Variants in EYA1 observed in about 807,000 individuals in gnomAD.
EYA1 encodes EYA transcriptional coactivator and phosphatase 1.
Under a neutral mutation model 82.0 loss-of-function variants are expected in EYA1, and 16 were observed. That is an observed-to-expected ratio of 0.20 (90% CI 0.13 to 0.30). The LOEUF (loss-of-function observed/expected upper bound fraction) is 0.30, where lower values mean the gene tolerates loss of function less well. EYA1 is among the 10% of genes least tolerant of loss of function. The pLI, the probability that EYA1 is intolerant of heterozygous loss-of-function variation, is 1.00. For synonymous variants in EYA1, 261 were observed against 264.4 expected, an observed-to-expected ratio of 0.99 and a Z score of 0.12; for missense variants, 633 against 730.7, an observed-to-expected ratio of 0.87 and a Z score of 1.54.
intron 2 of EYA1, among the ~76,000 whole-genome samples, chr8:71,438,553 C>T (rs1046094937): frequency 6.6e-6 from 1 of 152,116 alleles, no homozygotes; most frequent in Non-Finnish European, 1.5e-5. Context: ...CTGAGTGGCA[C>T]AGGCAGAAAC....
intron 13 of EYA1, 22 bp downstream of exon 13, chr8:71,216,943 C>G: frequency 6.2e-7 from 1 of 1,612,440 alleles, no homozygotes; most frequent in Non-Finnish European, 8.5e-7. Context: ...GAGATGGTCA[C>G]TTCACATTCA....
chr8:71,245,377 C>T (rs752017166), intron 11 of EYA1, among the ~76,000 whole-genome samples: 20 of 152,002 alleles, frequency 1.3e-4, no homozygotes, highest in Non-Finnish European at 2.6e-4. Flanking sequence ...CAGGCGCGCA[C>T]CAACACGACC....
intron 7 of EYA1, among the ~76,000 whole-genome samples, chr8:71,310,291 G>A (rs1188249635): frequency 6.6e-6 from 1 of 152,146 alleles, no homozygotes; most frequent in African/African-American, 2.4e-5. Flanking sequence ...TAAGTTCAGA[G>A]GTACATGTGC....
chr8:71,339,789 T>C (rs1824916629), intron 3 of EYA1, among the ~76,000 whole-genome samples: 1 of 152,220 alleles, frequency 6.6e-6, no homozygotes, highest in South Asian at 2.1e-4. Context: ...AGAATGAGCC[T>C]CATTCCTTGA....
chr8:71,269,896 G>T (rs995313832), intron 10 of EYA1, 73 bp from the exon 11 acceptor site: 1 of 1,104,934 alleles, frequency 9.1e-7, no homozygotes, highest in Non-Finnish European at 1.4e-6. Flanking sequence ...ACTTCAACAC[G>T]AAAAAGTCAT....
At chr8:71,226,149 T>G (rs1172627246) in intron 12 of EYA1, among the ~76,000 whole-genome samples, 2 of 152,164 alleles carry the variant, frequency 1.3e-5, no homozygotes, top group African/African-American at 4.8e-5. Flanking sequence ...GATCACTAAG[T>G]AAAGGCTTCC....
intron 2 of EYA1, among the ~76,000 whole-genome samples, chr8:71,463,637 C>T (rs1387646736): frequency 7.9e-6 from 1 of 126,168 alleles, no homozygotes; most frequent in Non-Finnish European, 1.7e-5. Flanking sequence ...CTCTCTCCCT[C>T]CCTCCCCCCT....
chr8:71,226,866 C>T (rs547644108), intron 12 of EYA1, among the ~76,000 whole-genome samples: 25 of 151,606 alleles, frequency 1.6e-4, no homozygotes, highest in Non-Finnish European at 2.9e-4. Flanking sequence ...ATGTCCCTAC[C>T]GCTGACATTG....
intron 17 of EYA1, among the ~76,000 whole-genome samples, chr8:71,210,947 C>G (rs1808429866): frequency 6.6e-6 from 1 of 152,240 alleles, no homozygotes; most frequent in South Asian, 2.1e-4. Flanking sequence ...TCTATGAACA[C>G]CACTTGTGGC....
chr8:71,210,313 G>A (rs760829291), intron 17 of EYA1, among the ~76,000 whole-genome samples: 5 of 152,144 alleles, frequency 3.3e-5, no homozygotes, highest in Non-Finnish European at 5.9e-5. Context: ...AGACAATGAC[G>A]GAATGGTATT....
At chr8:71,316,169 A>G (rs1422722949) in intron 7 of EYA1, among the ~76,000 whole-genome samples, 1 of 152,126 alleles carries the variant, frequency 6.6e-6, no homozygotes, top group Non-Finnish European at 1.5e-5. Flanking sequence ...ACTTTTTTCA[A>G]AGAAAGGTAT....
intron 6 of EYA1, among the ~76,000 whole-genome samples, chr8:71,320,777 A>G (rs1586348612): frequency 6.6e-6 from 1 of 152,254 alleles, no homozygotes; most frequent in South Asian, 2.1e-4. Flanking sequence ...AAATACTTAA[A>G]GAAGAGCATT....
At chr8:71,268,896 C>A (rs965805038) in intron 11 of EYA1, among the ~76,000 whole-genome samples, 4 of 152,104 alleles carry the variant, frequency 2.6e-5, no homozygotes, top group African/African-American at 9.7e-5. Context: ...TGATAAACTG[C>A]TGAAGTCACT....
At chr8:71,280,418 G>A (rs1817683803) in intron 9 of EYA1, among the ~76,000 whole-genome samples, 1 of 152,172 alleles carries the variant, frequency 6.6e-6, no homozygotes, top group South Asian at 2.1e-4. Flanking sequence ...AGCTGAATAT[G>A]ACAGATATTT....
chr8:71,433,266 G>T (rs1201626503), intron 2 of EYA1, among the ~76,000 whole-genome samples: 2 of 152,144 alleles, frequency 1.3e-5, no homozygotes, highest in African/African-American at 4.8e-5. Flanking sequence ...AAGGTAAGGA[G>T]AAAGATTTGA....
Position 71,250,037 on chromosome 8 carries a change from G to GT in EYA1, c.1051-5346dup, listed in dbSNP as rs113001711. 4.1e-3 allele frequency among the ~76,000 whole-genome samples: 588 copies of GT among 141,878 alleles called. 3 individuals carry two copies. The highest frequency in any genetic ancestry group is 0.012 in the African/African-American group (468 of 38,940). The allele number at this position is 141,878 out of a possible 152,430, so 93.1% of individuals were successfully genotyped here. A position where few individuals can be genotyped will look rare whatever the true frequency, so the allele number is the denominator to read the frequency against. ...CATTGCCATTGTTCTTTGCTTTCTTGTTTTTTTTTTTTCCCCTTAGCCTTG... is the reference window on the plus strand; with the variant it reads ...CATTGCCATTGTTCTTTGCTTTCTTGTTTTTTTTTTTTTCCCCTTAGCCTTG... On this transcript the variant is annotated intron_variant, in intron 11 of 17. Coordinates refer to ENST00000340726, the MANE Select transcript of EYA1 (RefSeq NM_000503.6).
chr8:71,285,561 G>T (rs1264326397), intron 9 of EYA1, among the ~76,000 whole-genome samples: 3 of 152,180 alleles, frequency 2.0e-5, no homozygotes, highest in Admixed American at 6.5e-5. Flanking sequence ...TAACAGGCCT[G>T]CCTATTCATT....
In EYA1 at chr8:71,301,472, A is replaced by C. The variant is rs143715588; in HGVS notation, c.557-1752T>G. Reference sequence around the variant, plus strand: ...ATCTTTTCCCTCTTTTACTTTCCCGAATTAGATAAATATGACTTAATCTCT... The same window carrying C: ...ATCTTTTCCCTCTTTTACTTTCCCGCATTAGATAAATATGACTTAATCTCT... On this transcript the variant is annotated intron_variant, in intron 7 of 17. Transcript: ENST00000340726. Among the ~76,000 whole-genome samples, 21 of 152,286 alleles carry C rather than the reference A, an allele frequency of 1.4e-4. No homozygotes were observed. The East Asian group carries it at 3.5e-3, about 25-fold the overall frequency.
intron 2 of EYA1, among the ~76,000 whole-genome samples, chr8:71,479,031 T>C (rs1809895576): frequency 6.6e-6 from 1 of 152,162 alleles, no homozygotes; most frequent in Non-Finnish European, 1.5e-5. Flanking sequence ...GCACCACTTT[T>C]CTGCAAACAA....
Sources: gnomAD v4.1 joint callset for allele counts (sites outside exome capture counted in the v4.1 genomes callset) on GRCh38, gnomAD v4.1.1 for gene constraint, MANE v1.5 for transcripts, NCBI Gene and HGNC (gene_info 2026-07-23, HGNC 2026-07-21) for gene names.